The following ARHGAP15 variants were observed in gnomAD, a reference collection of about 807,000 sequenced individuals.
ARHGAP15 encodes rho GTPase-activating protein 15.
Under a neutral mutation model 63.7 loss-of-function variants are expected in ARHGAP15, and 51 were observed. The ratio of observed to expected loss-of-function variants is 0.80; its 90% confidence interval spans 0.64 to 1.01. The LOEUF is 1.01. Among genes scored for constraint, ARHGAP15 ranks in the 50% least tolerant of loss-of-function variants. ARHGAP15 has a pLI of 0.00. For synonymous variants in ARHGAP15, 191 were observed against 193.8 expected (o/e 0.99, Z 0.12); for missense variants, 560 against 564.6 (o/e 0.99, Z 0.08).
At chr2:143,532,314 A>G (rs1410490319) in intron 10 of ARHGAP15, among the ~76,000 whole-genome samples, 1 of 152,174 alleles carries the variant, frequency 6.6e-6, no homozygotes, top group Non-Finnish European at 1.5e-5. Context: ...CACATAATCC[A>G]AGACTGACTT....
intron 3 of ARHGAP15, among the ~76,000 whole-genome samples, chr2:143,207,108 A>G (rs1243075153): frequency 6.6e-6 from 1 of 151,888 alleles, no homozygotes; most frequent in Non-Finnish European, 1.5e-5. Flanking sequence ...TATATCAAGC[A>G]TAAGCTAATA....
At chr2:143,340,529 T>G (rs1018184879) in intron 6 of ARHGAP15, among the ~76,000 whole-genome samples, 2 of 150,774 alleles carry the variant, frequency 1.3e-5, no homozygotes, top group Non-Finnish European at 3.0e-5. Context: ...TTTTTTCTCT[T>G]TTTTTTTTTA....
At chr2:143,179,751 G>T (rs1691156113) in intron 2 of ARHGAP15, among the ~76,000 whole-genome samples, 1 of 152,072 alleles carries the variant, frequency 6.6e-6, no homozygotes, top group Non-Finnish European at 1.5e-5. Flanking sequence ...AATTAATCGG[G>T]CGTGCTTTTC....
chr2:143,764,201 C>T (rs1686873853), intron 13 of ARHGAP15, among the ~76,000 whole-genome samples: 1 of 152,104 alleles, frequency 6.6e-6, no homozygotes, highest in Admixed American at 6.6e-5. Flanking sequence ...ACAAAATGAA[C>T]ATTTTTCCAC....
chr2:143,716,447 T>C (rs1004894737), intron 13 of ARHGAP15, among the ~76,000 whole-genome samples: 1 of 152,232 alleles, frequency 6.6e-6, no homozygotes, highest in African/African-American at 2.4e-5. Context: ...TTCTCACTAC[T>C]AAATAACTTC....
intron 8 of ARHGAP15, among the ~76,000 whole-genome samples, chr2:143,484,923 G>A (rs1692256374): frequency 2.6e-5 from 4 of 151,758 alleles, no homozygotes; most frequent in Admixed American, 2.6e-4. Context: ...AATCATACTT[G>A]TATAACACAC....
chr2:143,707,342 A>G (rs1559136991), intron 13 of ARHGAP15, among the ~76,000 whole-genome samples: 2 of 152,238 alleles, frequency 1.3e-5, no homozygotes, highest in Admixed American at 6.5e-5. Context: ...GATTTCAATG[A>G]TAAGTACTTA....
At chr2:143,749,084 C>T (rs1188856769) in intron 13 of ARHGAP15, among the ~76,000 whole-genome samples, 1 of 152,008 alleles carries the variant, frequency 6.6e-6, no homozygotes, top group Non-Finnish European at 1.5e-5. Context: ...CATATCTACA[C>T]TGATTAAAGA....
At chr2:143,149,646 C>T (rs899662241) in intron 1 of ARHGAP15, among the ~76,000 whole-genome samples, 7 of 151,898 alleles carry the variant, frequency 4.6e-5, no homozygotes, top group African/African-American at 1.7e-4. Context: ...CCTCAGAACA[C>T]AGAAGAAACA....
intron 6 of ARHGAP15, among the ~76,000 whole-genome samples, chr2:143,285,471 A>C (rs576004416): frequency 2.0e-5 from 3 of 152,284 alleles, no homozygotes; most frequent in African/African-American, 7.2e-5. Context: ...CAATATCTTT[A>C]CCTCGGTCAG....
chr2:143,758,785 G>T (rs1686665691), intron 13 of ARHGAP15, among the ~76,000 whole-genome samples: 1 of 152,028 alleles, frequency 6.6e-6, no homozygotes, highest in African/African-American at 2.4e-5. Context: ...CTCAAGATGT[G>T]GTTCCCAACC....
intron 12 of ARHGAP15, among the ~76,000 whole-genome samples, chr2:143,695,046 TAC>T (rs1683780692): frequency 6.6e-6 from 1 of 152,200 alleles, no homozygotes; most frequent in South Asian, 2.1e-4. Flanking sequence ...TATGAAAATG[TAC>T]AAAGATAATG....
intron 12 of ARHGAP15, among the ~76,000 whole-genome samples, chr2:143,649,429 T>G (rs915153903): frequency 4.6e-5 from 7 of 152,008 alleles, no homozygotes; most frequent in Non-Finnish European, 1.0e-4. Flanking sequence ...ATTTTCACAT[T>G]GTCAGCACTT....
intron 6 of ARHGAP15, among the ~76,000 whole-genome samples, chr2:143,406,480 T>C (rs1688203050): frequency 6.6e-6 from 1 of 151,974 alleles, no homozygotes; most frequent in Admixed American, 6.6e-5. Flanking sequence ...TTCTTTATGA[T>C]ATGTGTAGAC....
At chr2:143,730,387 A>C (rs1685473262) in intron 13 of ARHGAP15, among the ~76,000 whole-genome samples, 1 of 140,478 alleles carries the variant, frequency 7.1e-6, no homozygotes, top group South Asian at 2.4e-4. Flanking sequence ...GTGCTGACAC[A>C]AAAGTATGCA....
chr2:143,679,981 GC>G (rs1470006948), intron 12 of ARHGAP15, among the ~76,000 whole-genome samples: 2 of 138,212 alleles, frequency 1.4e-5, no homozygotes, highest in Non-Finnish European at 3.0e-5. Flanking sequence ...AAGGCCAGGG[GC>G]AAGAGCCTGC....
intron 13 of ARHGAP15, among the ~76,000 whole-genome samples, chr2:143,712,234 C>T (rs536007681): frequency 1.6e-4 from 25 of 152,218 alleles, no homozygotes; most frequent in South Asian, 1.0e-3. Flanking sequence ...GTTAGGAAGA[C>T]GAAGGATTCC....
At chr2:143,300,872 GTC>G (rs370161834) in intron 6 of ARHGAP15, among the ~76,000 whole-genome samples, 3 of 152,092 alleles carry the variant, frequency 2.0e-5, no homozygotes, top group African/African-American at 7.2e-5. Flanking sequence ...TACAGGACCT[GTC>G]TCTCAGAGGG....
At chr2:143,559,954 C>T (rs1291847915) in intron 11 of ARHGAP15, among the ~76,000 whole-genome samples, 1 of 152,160 alleles carries the variant, frequency 6.6e-6, no homozygotes, top group Non-Finnish European at 1.5e-5. Flanking sequence ...TTCTAGAAGG[C>T]TCTAAATATA....
Sources: gnomAD v4.1 joint callset for allele counts (sites outside exome capture counted in the v4.1 genomes callset) on GRCh38, gnomAD v4.1.1 for gene constraint, MANE v1.5 for transcripts, NCBI Gene and HGNC (gene_info 2026-07-23, HGNC 2026-07-21) for gene names.